Variants in CUL5 observed in about 807,000 individuals in gnomAD.
CUL5 encodes the protein cullin-5.
A neutral mutation model predicts 108.8 loss-of-function variants in CUL5; 26 were observed. The observed-to-expected ratio is 0.24, with a 90% CI of 0.18 to 0.33. CUL5 has a LOEUF of 0.33. Ranked by LOEUF, CUL5 falls within the 10% of genes least tolerant of loss-of-function variation. The pLI is 1.00. For missense variants in CUL5, 524 were observed against 909.2 expected (o/e 0.58, Z 5.45); for synonymous variants, 334 against 298.0 (o/e 1.12, Z -1.25).
At chr11:108,081,492 C>T (rs908887043) in intron 11 of CUL5, among the ~76,000 whole-genome samples, 2 of 152,130 alleles carry the variant, frequency 1.3e-5, no homozygotes, top group Non-Finnish European at 2.9e-5. Context: ...GTGGCTCACA[C>T]CTGTAATCCC....
At chr11:108,016,741 G>T (rs1449040295) in intron 1 of CUL5, among the ~76,000 whole-genome samples, 1 of 152,012 alleles carries the variant, frequency 6.6e-6, no homozygotes, top group East Asian at 1.9e-4. Context: ...TGAGAGTATT[G>T]CTTGAGGCCA....
intron 10 of CUL5, 143 bp downstream of exon 10, chr11:108,073,640 T>G (rs978786952): frequency 7.1e-6 from 3 of 420,720 alleles, no homozygotes; most frequent in African/African-American, 6.2e-5. Context: ...GGAGAACAAC[T>G]ATATTCGTTT....
chr11:108,041,980 G>A (rs775618010), intron 2 of CUL5, among the ~76,000 whole-genome samples: 14 of 152,104 alleles, frequency 9.2e-5, no homozygotes, highest in Non-Finnish European at 1.6e-4. Flanking sequence ...TGTTACTTTT[G>A]TTATAGTAAA....
chr11:108,052,839 A>G (rs1270249136), intron 5 of CUL5, 38 bp downstream of exon 5: 2 of 1,562,978 alleles, frequency 1.3e-6, no homozygotes, highest in Non-Finnish European at 1.7e-6. Flanking sequence ...TTTCTGTTTC[A>G]TGGAAATTGT....
chr11:108,074,349 C>G (rs1863896567), intron 10 of CUL5, among the ~76,000 whole-genome samples: 1 of 151,746 alleles, frequency 6.6e-6, no homozygotes, highest in Non-Finnish European at 1.5e-5. Context: ...GACCAACCAC[C>G]ATGCCCGGCT....
At chr11:108,009,806 AT>A (rs967450516) in intron 1 of CUL5, among the ~76,000 whole-genome samples, 49 of 152,002 alleles carry the variant, frequency 3.2e-4, no homozygotes, top group African/African-American at 1.1e-3. Flanking sequence ...CACTTCTTCC[AT>A]TTCTGTTCTC....
intron 2 of CUL5, among the ~76,000 whole-genome samples, chr11:108,044,405 G>A (rs1220097072): frequency 6.6e-6 from 1 of 151,690 alleles, no homozygotes; most frequent in Non-Finnish European, 1.5e-5. Flanking sequence ...GTCCCAGCTA[G>A]TCGGGAGGCT....
intron 7 of CUL5, among the ~76,000 whole-genome samples, chr11:108,055,883 G>C (rs1006773803): frequency 6.6e-6 from 1 of 152,110 alleles, no homozygotes; most frequent in Non-Finnish European, 1.5e-5. Flanking sequence ...CACCTGCCTT[G>C]GCCTCCCAGA....
At position 108,094,472 on chromosome 11, in the gene CUL5, G is replaced by T; in HGVS notation, c.1525G>T (p.Ala509Ser). ...AAAAGTATCTGAAGATTTGAACCAA[G>T]CTTTTAAGGAAATGCACAAAAATAA... ...DIKVSEDLNQ[A>S]FKEMHKNNKL... The change falls in exon 14 of 19, where the codon GCT becomes TCT. Residue 509 changes from alanine to serine, a missense_variant. Coordinates refer to ENST00000393094, the MANE Select transcript of CUL5 (RefSeq NM_003478.6). 6.5e-7 allele frequency: 1 copy of T among 1,531,448 alleles called. No homozygotes were observed. The highest frequency in any genetic ancestry group is 8.9e-7 in the Non-Finnish European group (1 of 1,119,142). The allele number at this position is 1,531,448 out of a possible 1,614,324, so 94.9% of individuals were successfully genotyped here.
intron 2 of CUL5, among the ~76,000 whole-genome samples, chr11:108,036,545 C>T (rs1444336289): frequency 2.0e-5 from 3 of 152,186 alleles, no homozygotes; most frequent in South Asian, 2.1e-4. Context: ...GTGGCACAAT[C>T]TCAGCTCACT....
In CUL5 at chr11:108,046,533, GATT is replaced by G. The variant is rs533515798; in HGVS notation, c.234+168_234+170del. The G allele has an allele frequency of 4.3e-5, 23 of 537,578 alleles. 1 individual carries two copies. In the South Asian group the frequency reaches 5.5e-4, roughly 13 times the overall value. 33.3% of individuals were successfully genotyped at this position (537,578 alleles called of 1,614,324 possible). ...TTAATGAAATGATCGTCATTAGTTG[GATT>G]ATTTTTTTCCCACAGTGATACTTCT... On this transcript the variant is annotated intron_variant, in intron 3 of 18. Coordinates refer to ENST00000393094, the MANE Select transcript of CUL5 (RefSeq NM_003478.6).
In CUL5 at chr11:108,088,544, A is replaced by C. The variant is rs1351906033; in HGVS notation, c.1196A>C (p.Gln399Pro). The change falls in exon 12 of 19, where the codon CAG (glutamine) becomes CCG (proline). Residue 399 changes from glutamine to proline, a missense_variant. Physicochemically the swap from Gln to Pro is moderately conservative, Grantham distance 76. Transcript: ENST00000393094. ...TTTTTTAGGGTGGGATTAAAAACTC[A>C]GCCTGAATCAAAATGCCCTGAGCTG... ...LKQKGVGLKT[Q>P]PESKCPELLA... 3 of 1,599,696 alleles carry C rather than the reference A, an allele frequency of 1.9e-6. No homozygotes were observed. The African/African-American group carries it at 4.1e-5, about 22-fold the overall frequency.
At chr11:108,035,021 C>T (rs890653332) in intron 2 of CUL5, among the ~76,000 whole-genome samples, 4 of 152,030 alleles carry the variant, frequency 2.6e-5, no homozygotes, top group African/African-American at 9.7e-5. Context: ...CATTTAATAA[C>T]CAGACTGACT....
chr11:108,012,513 T>G (rs1214393409), intron 1 of CUL5, among the ~76,000 whole-genome samples: 2 of 133,792 alleles, frequency 1.5e-5, no homozygotes, highest in Non-Finnish European at 3.1e-5. Context: ...TGGTGGTATG[T>G]CCCCTCTTAC....
At chr11:108,091,408 A>C (rs1405996177) in intron 13 of CUL5, among the ~76,000 whole-genome samples, 2 of 151,990 alleles carry the variant, frequency 1.3e-5, no homozygotes, top group Non-Finnish European at 2.9e-5. Context: ...ATGACAAACA[A>C]GGCTAGGCAT....
chr11:108,085,787 A>C (rs937283779), intron 11 of CUL5, among the ~76,000 whole-genome samples: 1 of 152,146 alleles, frequency 6.6e-6, no homozygotes, highest in African/African-American at 2.4e-5. Context: ...CTGGGAGGTG[A>C]GAGGAGGATA....
chr11:108,049,540 G>A (rs575988925), intron 3 of CUL5, among the ~76,000 whole-genome samples: 1 of 151,642 alleles, frequency 6.6e-6, no homozygotes, highest in Non-Finnish European at 1.5e-5. Flanking sequence ...ATGAGGTCTT[G>A]CTATGTTGCC....
rs781729952 is a variant in CUL5 at position 108,072,467 on chromosome 11, G to GT, written c.1005+13dup. ...GCTGCTGAAACTATTACTACTGTAA[G>GT]TTTTTTTTCAATGGCAATGATAGAT... On this transcript the variant is annotated splice_donor_region_variant and intron_variant, in intron 9 of 18. Coordinates refer to ENST00000393094, the MANE Select transcript of CUL5 (RefSeq NM_003478.6). 149 of 1,596,748 alleles carry GT rather than the reference G, an allele frequency of 9.3e-5. No homozygotes were observed. The African/African-American group carries it at 1.3e-3, about 14-fold the overall frequency.
intron 1 of CUL5, among the ~76,000 whole-genome samples, chr11:108,014,448 G>T (rs2135034734): frequency 6.6e-6 from 1 of 152,322 alleles, no homozygotes; most frequent in East Asian, 1.9e-4. Context: ...CAAGGGGTTT[G>T]AAATAAAGTT....
Sources: allele counts gnomAD v4.1 joint callset (sites outside exome capture counted in the v4.1 genomes callset), GRCh38; gene constraint gnomAD v4.1.1; transcripts MANE v1.5; gene names NCBI Gene and HGNC (gene_info 2026-07-23, HGNC 2026-07-21).